KIF16B: variants seen among roughly 807,000 people sequenced by gnomAD.
KIF16B encodes kinesin-like protein KIF16B.
Under a neutral mutation model 156.3 loss-of-function variants are expected in KIF16B, and 98 were observed. That is an observed-to-expected ratio of 0.63 (90% CI 0.53 to 0.74). The LOEUF (loss-of-function observed/expected upper bound fraction) is 0.74, where lower values mean the gene tolerates loss of function less well. Among genes scored for constraint, KIF16B ranks in the 30% least tolerant of loss-of-function variants. KIF16B has a pLI of 0.00. For missense variants in KIF16B, 1,421 were observed against 1,606.5 expected, an observed-to-expected ratio of 0.88 and a Z score of 1.97; for synonymous variants, 564 against 583.7, an observed-to-expected ratio of 0.97 and a Z score of 0.49.
intron 24 of KIF16B, among the ~76,000 whole-genome samples, chr20:16,318,160 C>T (rs1242791553): frequency 1.3e-5 from 2 of 151,670 alleles, no homozygotes; most frequent in African/African-American, 4.9e-5. Context: ...AATTAGTCCA[C>T]TTCCCTTAAA....
At chr20:16,284,666 C>T (rs967854442) in intron 25 of KIF16B, among the ~76,000 whole-genome samples, 2 of 152,074 alleles carry the variant, frequency 1.3e-5, no homozygotes, top group Non-Finnish European at 2.9e-5. Context: ...TCCTCACGAG[C>T]TCAAAGAGGG....
intron 24 of KIF16B, among the ~76,000 whole-genome samples, chr20:16,333,437 G>A (rs1182945652): frequency 6.6e-6 from 1 of 152,196 alleles, no homozygotes; most frequent in East Asian, 1.9e-4. Context: ...CATGAGAAGA[G>A]GGAATGCAGC....
chr20:16,436,466 G>C (rs942145840), intron 12 of KIF16B, among the ~76,000 whole-genome samples: 12 of 152,304 alleles, frequency 7.9e-5, no homozygotes, highest in African/African-American at 2.9e-4. Context: ...ACTTACAAGA[G>C]AGAGTCAGCT....
chr20:16,426,430 C>A (rs1401878628), intron 15 of KIF16B, among the ~76,000 whole-genome samples: 1 of 152,104 alleles, frequency 6.6e-6, no homozygotes, highest in Non-Finnish European at 1.5e-5. Flanking sequence ...AGAGAGGTAA[C>A]AACCAAATGC....
intron 12 of KIF16B, among the ~76,000 whole-genome samples, chr20:16,489,837 T>C (rs2068233519): frequency 6.6e-6 from 1 of 152,114 alleles, no homozygotes; most frequent in African/African-American, 2.4e-5. Context: ...CCGGTGATGT[T>C]GATGCTGCTA....
chr20:16,560,628 G>T (rs776860447), intron 1 of KIF16B, among the ~76,000 whole-genome samples: 7 of 152,180 alleles, frequency 4.6e-5, no homozygotes, highest in Admixed American at 2.0e-4. Flanking sequence ...GCAACATGGT[G>T]AAACCCCTTG....
At chr20:16,448,261 A>G (rs2066986860) in intron 12 of KIF16B, among the ~76,000 whole-genome samples, 1 of 152,226 alleles carries the variant, frequency 6.6e-6, no homozygotes, top group Non-Finnish European at 1.5e-5. Flanking sequence ...AGCTGTGCAC[A>G]GTGTCCTACA....
intron 12 of KIF16B, among the ~76,000 whole-genome samples, chr20:16,480,036 CTAA>C (rs1024294561): frequency 1.3e-5 from 2 of 152,100 alleles, no homozygotes; most frequent in African/African-American, 2.4e-5. Flanking sequence ...TCCTTCGGGG[CTAA>C]TAATGTGTTT....
intron 5 of KIF16B, among the ~76,000 whole-genome samples, chr20:16,512,433 C>T (rs1225379383): frequency 1.3e-5 from 2 of 152,126 alleles, no homozygotes; most frequent in Non-Finnish European, 1.5e-5. Context: ...AGCACCTCAA[C>T]CACTCAGATT....
chr20:16,370,229 TCA>T (rs370555047), intron 22 of KIF16B, among the ~76,000 whole-genome samples: 7 of 152,284 alleles, frequency 4.6e-5, no homozygotes, highest in African/African-American at 1.7e-4. Flanking sequence ...TACTACCAAC[TCA>T]CAGTCTATAA....
intron 12 of KIF16B, among the ~76,000 whole-genome samples, chr20:16,441,623 C>G (rs1412361762): frequency 6.6e-6 from 1 of 152,204 alleles, no homozygotes; most frequent in Non-Finnish European, 1.5e-5. Context: ...ATCTCAGGAG[C>G]AGGATCCAGG....
chr20:16,396,648 CT>C (rs11476845), intron 17 of KIF16B, among the ~76,000 whole-genome samples: 13,787 of 124,494 alleles, frequency 0.11, 723 homozygotes, highest in East Asian at 0.36. Flanking sequence ...ACTGTAGTCG[CT>C]TTTTTTTTTT....
At chr20:16,287,872 G>A (rs1188478838) in intron 25 of KIF16B, among the ~76,000 whole-genome samples, 1 of 152,138 alleles carries the variant, frequency 6.6e-6, no homozygotes, top group Admixed American at 6.6e-5. Context: ...TTGCACCTGT[G>A]GACCAGAAGT....
At chr20:16,392,121 T>C (rs1196575201) in intron 17 of KIF16B, among the ~76,000 whole-genome samples, 1 of 152,246 alleles carries the variant, frequency 6.6e-6, no homozygotes, top group Non-Finnish European at 1.5e-5. Flanking sequence ...TCCTACACCA[T>C]GACTCCTTTA....
At chr20:16,434,137 C>G (rs950410735) in intron 12 of KIF16B, among the ~76,000 whole-genome samples, 4 of 152,224 alleles carry the variant, frequency 2.6e-5, no homozygotes, top group Non-Finnish European at 5.9e-5. Flanking sequence ...CTGTTCACAA[C>G]ATTTACAAAT....
At chr20:16,313,374 G>A (rs1295775619) in intron 24 of KIF16B, among the ~76,000 whole-genome samples, 1 of 152,186 alleles carries the variant, frequency 6.6e-6, no homozygotes, top group Non-Finnish European at 1.5e-5. Flanking sequence ...TATTGCCACA[G>A]TGGGAGTCAA....
In KIF16B at chr20:16,381,694, C is replaced by T; in HGVS notation, c.1838G>A (p.Arg613Lys). Residue 613 changes from arginine to lysine, a missense_variant and splice_region_variant, in exon 18 of 26, where the codon AGG becomes AAG. Arg to Lys is a conservative substitution (Grantham distance 26). Coordinates refer to ENST00000354981, the MANE Select transcript of KIF16B (RefSeq NM_024704.5). ...GAAACTTGAACCCCATGTGACTTAC[C>T]TTTTACTTTCTAATTTTTCAAGTTC... Reference protein sequence around the residue: ...REELEKLESKRKLIEEMEEKQ... With the variant: ...REELEKLESKKKLIEEMEEKQ... 6.2e-7 allele frequency: 1 copy of T among 1,611,674 alleles called. No homozygotes were observed. Among genetic ancestry groups the T allele is most frequent in the South Asian group, 1.1e-5 (1 of 90,660 alleles).
chr20:16,289,697 C>A (rs1274964696), intron 25 of KIF16B, among the ~76,000 whole-genome samples: 2 of 152,104 alleles, frequency 1.3e-5, no homozygotes, highest in Non-Finnish European at 2.9e-5. Context: ...AAAAATTAGC[C>A]GGGCGCAGTG....
chr20:16,434,684 G>GT (rs1163941672), intron 12 of KIF16B, among the ~76,000 whole-genome samples: 1 of 152,032 alleles, frequency 6.6e-6, no homozygotes, highest in Non-Finnish European at 1.5e-5. Flanking sequence ...TAGTCACTCA[G>GT]TAAGTGCTGA....
Sources: gnomAD v4.1 joint callset for allele counts (sites outside exome capture counted in the v4.1 genomes callset) on GRCh38, gnomAD v4.1.1 for gene constraint, MANE v1.5 for transcripts, NCBI Gene and HGNC (gene_info 2026-07-23, HGNC 2026-07-21) for gene names.